TMEM18: variants seen among roughly 807,000 people sequenced by gnomAD.
TMEM18 encodes the protein transmembrane protein 18.
A neutral mutation model predicts 17.4 loss-of-function variants in TMEM18; 14 were observed. The observed-to-expected ratio is 0.80, with a 90% CI of 0.53 to 1.25. The LOEUF (loss-of-function observed/expected upper bound fraction) is 1.25. Among genes scored for constraint, TMEM18 ranks in the 50% most tolerant of loss-of-function variants. TMEM18 has a pLI of 0.00. For synonymous variants in TMEM18, 86 were observed against 66.1 expected (o/e 1.30, Z -1.46); for missense variants, 187 against 172.1 (o/e 1.09, Z -0.48).
At position 669,518 on chromosome 2, in the gene TMEM18, G is replaced by A. The variant is rs1678780313; in HGVS notation, c.*62C>T. The A allele has an allele frequency of 4.5e-6, 7 of 1,539,906 alleles. No homozygotes were observed. The highest frequency in any genetic ancestry group is 5.4e-6 in the Non-Finnish European group (6 of 1,116,188). The stretch of plus-strand genomic sequence containing the variant: ...GAAGGATGCCCACGCCACGCACACT[G>A]CAGCACTGGGAGCTGCACTGGGTGG... On this transcript the variant is annotated 3_prime_UTR_variant, in exon 5 of 5. Coordinates refer to ENST00000281017, the MANE Select transcript of TMEM18 (RefSeq NM_152834.4).
chr2:677,211 C>A (rs1659281445), intron 1 of TMEM18, 78 bp downstream of exon 1: 2 of 1,529,958 alleles, frequency 1.3e-6, no homozygotes, highest in African/African-American at 1.4e-5. Flanking sequence ...TGGCCACAGG[C>A]CGGGTGCTCT....
At chr2:676,656 C>A in intron 1 of TMEM18, 1 of 1,548,694 alleles carries the variant, frequency 6.5e-7, no homozygotes, top group Non-Finnish European at 8.7e-7. Flanking sequence ...CCTTGGCGGC[C>A]ACGTGGGGCG....
rs751627780 is a variant in TMEM18, at chr2:669,752, C to T, written c.327+5G>A. On this transcript the variant is annotated splice_donor_5th_base_variant and intron_variant, in intron 4 of 4. Coordinates refer to ENST00000281017, the MANE Select transcript of TMEM18 (RefSeq NM_152834.4). Reference sequence around the variant, plus strand: ...GAAAGACAACTGAAAGTGTCATCTACGTACCACAATGATCATGGCATTCAC... The same window carrying T: ...GAAAGACAACTGAAAGTGTCATCTATGTACCACAATGATCATGGCATTCAC... 21 of 1,613,742 alleles carry T rather than the reference C, an allele frequency of 1.3e-5. No homozygotes were observed. Among genetic ancestry groups the T allele is most frequent in the Admixed American group, 5.0e-5 (3 of 60,010 alleles).
At position 673,825 on chromosome 2, in the gene TMEM18, T is replaced by C. The variant is rs1177031157; in HGVS notation, c.179-963A>G. On this transcript the variant is annotated intron_variant, in intron 2 of 4. Transcript: ENST00000281017. ...AGGAGAAGCAGGACAGCCAGGCAGG[T>C]GAGAAGGGTAGGCTAACACAGGAGG... Among the ~76,000 whole-genome samples the C allele has an allele frequency of 3.8e-5, 5 of 130,950 alleles. No individual in the cohort carries two copies. The East Asian group carries it at 1.1e-3, about 30-fold the overall frequency. 85.9% of individuals were successfully genotyped at this position (130,950 alleles called of 152,430 possible).
chr2:672,374 G>A (rs1168604680), intron 3 of TMEM18, among the ~76,000 whole-genome samples: 2 of 152,122 alleles, frequency 1.3e-5, no homozygotes, highest in Non-Finnish European at 2.9e-5. Context: ...ACATCAGGAT[G>A]TGGGGCTGGG....
At chr2:675,815 AG>A in intron 1 of TMEM18, 185 bp from the exon 2 acceptor site, 1 of 1,529,032 alleles carries the variant, frequency 6.5e-7, no homozygotes, top group Non-Finnish European at 8.8e-7. Flanking sequence ...GAAAGGGAGA[AG>A]GAACCAGGAG....
At chr2:675,957 TAATTA>T in intron 1 of TMEM18, 1 of 1,349,220 alleles carries the variant, frequency 7.4e-7, no homozygotes, top group Non-Finnish European at 9.7e-7. Context: ...AAGGTGGGTA[TAATTA>T]AAGGAATTAC....
intron 1 of TMEM18, 60 bp downstream of exon 1, chr2:677,229 C>T (rs1011478908): frequency 6.4e-7 from 1 of 1,564,590 alleles, no homozygotes; most frequent in Non-Finnish European, 8.6e-7. Context: ...TCTGTGGGGC[C>T]TACCCTACGC....
rs1678686091 is a variant in TMEM18 at position 666,231 on chromosome 2, A to G, written c.*3349T>C. On this transcript the variant is annotated 3_prime_UTR_variant, in exon 5 of 5. Coordinates refer to ENST00000281017, the MANE Select transcript of TMEM18 (RefSeq NM_152834.4). ...AGAAGGCAGTAGCCCTGAGGCTTACAGAGCAGACCCTATGGCCACATGCTT... is the reference window on the plus strand; with the variant it reads ...AGAAGGCAGTAGCCCTGAGGCTTACGGAGCAGACCCTATGGCCACATGCTT... Among the ~76,000 whole-genome samples the G allele has an allele frequency of 6.6e-6, 1 of 152,222 alleles. No individual in the cohort carries two copies. The highest frequency in any genetic ancestry group is 2.4e-5 in the African/African-American group (1 of 41,464).
At position 665,493 on chromosome 2, in the gene TMEM18, C is replaced by T. The variant is rs1244031715; in HGVS notation, c.*4087G>A. ...AATCAACTCCACATACAACAGGACC[C>T]AGAGATGCAAACACCCCACTCACTC... On this transcript the variant is annotated 3_prime_UTR_variant, in exon 5 of 5. Transcript: ENST00000281017. Among the ~76,000 whole-genome samples, 1 of 151,282 alleles carries T rather than the reference C, an allele frequency of 6.6e-6. No individual in the cohort carries two copies. The highest frequency in any genetic ancestry group is 1.5e-5 in the Non-Finnish European group (1 of 67,892).
intron 3 of TMEM18, 120 bp from the exon 4 acceptor site, chr2:669,970 C>T (rs542852716): frequency 5.6e-6 from 4 of 711,996 alleles, no homozygotes; most frequent in African/African-American, 5.4e-5. Context: ...GAGCAACACC[C>T]TCACTGGGCC....
intron 2 of TMEM18, among the ~76,000 whole-genome samples, chr2:674,822 C>T (rs1288032161): frequency 1.3e-5 from 2 of 152,258 alleles, no homozygotes; most frequent in Admixed American, 6.5e-5. Flanking sequence ...AGGCCCTCCT[C>T]GCCTCTTCTA....
chr2:666,131 C>T lies in TMEM18; in HGVS notation c.*3449G>A, dbSNP rs1372702189. On this transcript the variant is annotated 3_prime_UTR_variant, in exon 5 of 5. Coordinates refer to ENST00000281017, the MANE Select transcript of TMEM18 (RefSeq NM_152834.4). ...AGCATCAACCCCATGCACAACAGGGCCCATGGAGGCTGACATCCAGCTCGC... is the reference window on the plus strand; with the variant it reads ...AGCATCAACCCCATGCACAACAGGGTCCATGGAGGCTGACATCCAGCTCGC... Among the ~76,000 whole-genome samples, 1 of 152,222 alleles carries T rather than the reference C, an allele frequency of 6.6e-6. No homozygotes were observed. Among genetic ancestry groups the T allele is most frequent in the East Asian group, 1.9e-4 (1 of 5,190 alleles).
Position 666,301 on chromosome 2 carries a change from C to CTTCTCTGT in TMEM18, c.*3271_*3278dup, listed in dbSNP as rs1426270675. On this transcript the variant is annotated 3_prime_UTR_variant, in exon 5 of 5. Transcript: ENST00000281017. ...GCTGCCTGAAGGCTGCAGGGAGCTC[C>CTTCTCTGT]TTCTCTGTCCTCAGGTTCCTTTCAG... Among the ~76,000 whole-genome samples the CTTCTCTGT allele has an allele frequency of 6.6e-6, 1 of 152,228 alleles. No homozygotes were observed. The highest frequency in any genetic ancestry group is 1.5e-5 in the Non-Finnish European group (1 of 68,040).
Position 672,826 on chromosome 2 carries a change from G to A in TMEM18, c.215C>T (p.Ala72Val), listed in dbSNP as rs149085075. The part of the protein sequence containing the change: ...LVYCAEYINE[A>V]AAMNWRLFSK... ...GGCTCACCTCCAGTTCATCGCAGCC[G>A]CCTCATTGATGTATTCAGCACAGTA... The change falls in exon 3 of 5, where the codon GCG becomes GTG. Residue 72 changes from alanine (A) to valine (V), a missense_variant. By Grantham distance (64) the Ala-to-Val change is moderately conservative. Coordinates refer to ENST00000281017, the MANE Select transcript of TMEM18 (RefSeq NM_152834.4). 744 of 1,479,316 alleles carry A rather than the reference G, an allele frequency of 5.0e-4. 3 individuals carry two copies. The highest frequency in any genetic ancestry group is 6.2e-4 in the Non-Finnish European group (696 of 1,119,708). The allele number at this position is 1,479,316 out of a possible 1,614,324, so 91.6% of individuals were successfully genotyped here.
intron 2 of TMEM18, among the ~76,000 whole-genome samples, chr2:673,433 T>C (rs1678911254): frequency 6.6e-6 from 1 of 151,934 alleles, no homozygotes; most frequent in African/African-American, 2.4e-5. Context: ...ACACAGACTT[T>C]AGGGACTGGC....
chr2:673,763 G>A (rs1678921118), intron 2 of TMEM18, among the ~76,000 whole-genome samples: 2 of 144,234 alleles, frequency 1.4e-5, no homozygotes, highest in South Asian at 2.5e-4. Flanking sequence ...GGGGAGGATG[G>A]GGGGGAAGGA....
At position 669,352 on chromosome 2, in the gene TMEM18, C is replaced by T. The variant is rs932657593; in HGVS notation, c.*228G>A. 2.1e-5 allele frequency: 12 copies of T among 566,236 alleles called. No individual in the cohort carries two copies. The highest frequency in any genetic ancestry group is 5.6e-5 in the African/African-American group (3 of 53,494). 35.1% of individuals were successfully genotyped at this position (566,236 alleles called of 1,614,324 possible). A position where few individuals can be genotyped will look rare whatever the true frequency, so the allele number is the denominator to read the frequency against. ...AGCTCTGCAGAGACCGTTCCCACAG[C>T]CTGACTACAAAGATCAGGCACCTGA... On this transcript the variant is annotated 3_prime_UTR_variant, in exon 5 of 5. Coordinates refer to ENST00000281017, the MANE Select transcript of TMEM18 (RefSeq NM_152834.4).
rs1439926576 is a variant in TMEM18, at chr2:668,282, C to G, written c.*1298G>C. 3 of 152,206 alleles carry G rather than the reference C, an allele frequency of 2.0e-5. No individual in the cohort carries two copies. Among genetic ancestry groups the G allele is most frequent in the Non-Finnish European group, 4.4e-5 (3 of 68,058 alleles). The allele number at this position is 152,206 out of a possible 1,614,324, so 9.4% of individuals were successfully genotyped here. ...GTGGGGACACAAAGCCAAACCATAT[C>G]AGATGGTGAAAATGTTATACTAAAA... On this transcript the variant is annotated 3_prime_UTR_variant, in exon 5 of 5. Coordinates refer to ENST00000281017, the MANE Select transcript of TMEM18 (RefSeq NM_152834.4).
Sources: gnomAD v4.1 joint callset for allele counts (sites outside exome capture counted in the v4.1 genomes callset) on GRCh38, gnomAD v4.1.1 for gene constraint, MANE v1.5 for transcripts, NCBI Gene and HGNC (gene_info 2026-07-23, HGNC 2026-07-21) for gene names.